DYNC1I1: variants seen among roughly 807,000 people sequenced by gnomAD.
DYNC1I1 encodes the protein cytoplasmic dynein 1 intermediate chain 1.
DYNC1I1 carries 43 observed loss-of-function variants against 86.6 expected under a neutral mutation model. The ratio of observed to expected loss-of-function variants is 0.50; its 90% confidence interval spans 0.39 to 0.64. The LOEUF (loss-of-function observed/expected upper bound fraction) is 0.64, where lower values mean the gene tolerates loss of function less well. Among genes scored for constraint, DYNC1I1 ranks in the 30% least tolerant of loss-of-function variants. The pLI is 0.00. For missense variants in DYNC1I1, 604 were observed against 788.8 expected, an observed-to-expected ratio of 0.77 and a Z score of 2.81; for synonymous variants, 262 against 283.7, an observed-to-expected ratio of 0.92 and a Z score of 0.77.
intron 6 of DYNC1I1, among the ~76,000 whole-genome samples, chr7:95,877,064 A>G (rs897817738): frequency 3.3e-5 from 5 of 152,200 alleles, no homozygotes; most frequent in African/African-American, 1.2e-4. Context: ...TTCAGCTTTA[A>G]GGAAATTACT....
Position 96,039,388 on chromosome 7 carries a change from A to G in DYNC1I1, c.1476A>G (p.Ser492=). Residue 492 remains serine (S), a synonymous_variant, in exon 14 of 17, where the codon TCA becomes TCG. Coordinates refer to ENST00000447467, the MANE Select transcript of DYNC1I1 (RefSeq NM_001135556.2). ...TTTCTCACCTGTTTGTCACATCATCATTTGACTGGACTGTCAAACTGTGGA... is the reference window on the plus strand; with the variant it reads ...TTTCTCACCTGTTTGTCACATCATCGTTTGACTGGACTGTCAAACTGTGGA... ...IDFSHLFVTS[S]FDWTVKLWTT... is the part of the protein sequence containing the mutation. The G allele has an allele frequency of 6.2e-7, 1 of 1,614,076 alleles. No individual in the cohort carries two copies. The highest frequency in any genetic ancestry group is 8.5e-7 in the Non-Finnish European group (1 of 1,179,960).
intron 14 of DYNC1I1, among the ~76,000 whole-genome samples, chr7:96,074,393 CA>C (rs531163639): frequency 6.6e-6 from 1 of 151,198 alleles, no homozygotes; most frequent in Non-Finnish European, 1.5e-5. Flanking sequence ...ACTAAAAATA[CA>C]AAAAAAAGTA....
chr7:95,810,936 A>G (rs1159268368), intron 3 of DYNC1I1, among the ~76,000 whole-genome samples: 1 of 152,168 alleles, frequency 6.6e-6, no homozygotes, highest in Admixed American at 6.6e-5. Context: ...GCATAGAGTT[A>G]GTCTATGATG....
At chr7:96,109,102 A>T (rs1791265232) in intron 16 of DYNC1I1, among the ~76,000 whole-genome samples, 1 of 151,976 alleles carries the variant, frequency 6.6e-6, no homozygotes, top group Admixed American at 6.6e-5. Context: ...GATAATGATT[A>T]TGTGGGTTTT....
At chr7:95,794,236 T>C (rs2115736168) in intron 1 of DYNC1I1, among the ~76,000 whole-genome samples, 1 of 152,326 alleles carries the variant, frequency 6.6e-6, no homozygotes, top group Middle Eastern at 3.4e-3. Flanking sequence ...TCTTCTGCCC[T>C]AATTTCCAGT....
intron 14 of DYNC1I1, among the ~76,000 whole-genome samples, chr7:96,043,131 T>C (rs1789105496): frequency 7.0e-6 from 1 of 143,208 alleles, no homozygotes; most frequent in African/African-American, 2.6e-5. Flanking sequence ...ATCGTGCCAC[T>C]GCACTCCAAC....
chr7:95,936,262 G>A (rs1792037344), intron 6 of DYNC1I1, among the ~76,000 whole-genome samples: 1 of 151,982 alleles, frequency 6.6e-6, no homozygotes, highest in African/African-American at 2.4e-5. Context: ...ATGCTGGGAA[G>A]GACAGGAAAA....
intron 13 of DYNC1I1, among the ~76,000 whole-genome samples, chr7:96,038,996 G>T (rs1284878694): frequency 1.2e-4 from 18 of 152,080 alleles, no homozygotes; most frequent in Non-Finnish European, 1.5e-5. Context: ...AGGCTTTGAG[G>T]AATTCTGCAA....
intron 8 of DYNC1I1, among the ~76,000 whole-genome samples, chr7:95,985,945 T>C (rs566513702): frequency 2.0e-5 from 3 of 152,168 alleles, no homozygotes; most frequent in African/African-American, 7.2e-5. Context: ...AAGCCATTTT[T>C]CTATGACTTT....
intron 14 of DYNC1I1, among the ~76,000 whole-genome samples, chr7:96,050,326 A>G (rs1789365988): frequency 6.6e-6 from 1 of 152,212 alleles, no homozygotes; most frequent in Admixed American, 6.5e-5. Context: ...AGACAATAAC[A>G]CTTCACATAC....
intron 6 of DYNC1I1, among the ~76,000 whole-genome samples, chr7:95,922,596 G>A (rs1030802758): frequency 7.2e-5 from 11 of 152,092 alleles, no homozygotes; most frequent in Middle Eastern, 3.4e-3. Context: ...ACACTTTTAT[G>A]TGTAAGACAA....
intron 5 of DYNC1I1, among the ~76,000 whole-genome samples, chr7:95,852,496 CTCTAA>C (rs1789605214): frequency 6.6e-6 from 1 of 151,634 alleles, no homozygotes; most frequent in South Asian, 2.1e-4. Flanking sequence ...TATTTTTCTT[CTCTAA>C]TTTATTTATT....
At chr7:95,891,841 G>A (rs891928892) in intron 6 of DYNC1I1, among the ~76,000 whole-genome samples, 4 of 152,096 alleles carry the variant, frequency 2.6e-5, no homozygotes, top group East Asian at 1.9e-4. Flanking sequence ...CCTTCTTCAC[G>A]CATTTGTTCT....
downstream of DYNC1I1, among the ~76,000 whole-genome samples, chr7:96,099,291 C>T (rs1017048453): frequency 3.5e-4 from 53 of 152,202 alleles, no homozygotes; most frequent in African/African-American, 1.2e-3. Flanking sequence ...ACTGTGGTAG[C>T]TGGTCTCCAA....
chr7:95,850,761 A>G (rs1789556362), intron 5 of DYNC1I1, among the ~76,000 whole-genome samples: 1 of 152,216 alleles, frequency 6.6e-6, no homozygotes, highest in Non-Finnish European at 1.5e-5. Context: ...TTACCATAGA[A>G]CTTAGCAGCC....
At chr7:95,788,333 G>T (rs559719772) in intron 1 of DYNC1I1, among the ~76,000 whole-genome samples, 3 of 152,172 alleles carry the variant, frequency 2.0e-5, no homozygotes, top group Admixed American at 1.3e-4. Context: ...ATGTTTGGAA[G>T]GAAGAGATAA....
chr7:95,781,893 A>C (rs1345892303), intron 1 of DYNC1I1, among the ~76,000 whole-genome samples: 1 of 152,146 alleles, frequency 6.6e-6, no homozygotes, highest in African/African-American at 2.4e-5. Flanking sequence ...GAAGGTGAAA[A>C]GTAACCAGAA....
chr7:95,779,950 G>A (rs2115641102), intron 1 of DYNC1I1, among the ~76,000 whole-genome samples: 1 of 152,234 alleles, frequency 6.6e-6, no homozygotes, highest in African/African-American at 2.4e-5. Context: ...GGGGAGTCTT[G>A]AGGAGGACAA....
intron 6 of DYNC1I1, among the ~76,000 whole-genome samples, chr7:95,934,427 G>T (rs953846143): frequency 6.6e-6 from 1 of 152,100 alleles, no homozygotes; most frequent in African/African-American, 2.4e-5. Context: ...AATTCTTAAG[G>T]CTTCCATTAT....
Sources: gnomAD v4.1 joint callset for allele counts (sites outside exome capture counted in the v4.1 genomes callset) on GRCh38, gnomAD v4.1.1 for gene constraint, MANE v1.5 for transcripts, NCBI Gene and HGNC (gene_info 2026-07-23, HGNC 2026-07-21) for gene names.